RPL19: variants seen among roughly 807,000 people sequenced by gnomAD.
The protein encoded by RPL19 is ribosomal protein L19, also known as large ribosomal subunit protein eL19.
Under a neutral mutation model 25.1 loss-of-function variants are expected in RPL19, and 2 were observed. That is an observed-to-expected ratio of 0.08 (90% CI 0.03 to 0.25). The LOEUF (loss-of-function observed/expected upper bound fraction) is 0.25. Among genes scored for constraint, RPL19 ranks in the 10% least tolerant of loss-of-function variants. The pLI is 1.00. For missense variants in RPL19, 123 were observed against 271.8 expected (o/e 0.45, Z 3.85); for synonymous variants, 89 against 91.2 (o/e 0.98, Z 0.14).
intron 1 of RPL19, 42 bp from the exon 2 acceptor site, chr17:39,201,171 G>A: frequency 1.5e-6 from 2 of 1,370,420 alleles, no homozygotes; most frequent in Non-Finnish European, 1.0e-6. Context: ...TTCTTGCCCA[G>A]GATTGGCTTT....
Position 39,200,320 on chromosome 17 carries a change from T to C in RPL19, c.-25T>C. 6.5e-7 allele frequency: 1 copy of C among 1,550,378 alleles called. No homozygotes were observed. On this transcript the variant is annotated 5_prime_UTR_variant, in exon 1 of 6. Transcript: ENST00000225430. ...AGGAGCCGGGCCCGAGCGAGCTCTT[T>C]CCTTTCGCTGCTGCGGCCGCAGCCA...
rs2046280002 is a variant in RPL19, at chr17:39,200,644, C to T, written c.5+295C>T. ...GGAGCGAACAAGACCAAGCCGTGGG[C>T]CCTTTCTTGCTTGGCACACCCGGAG... On this transcript the variant is annotated intron_variant, in intron 1 of 5. Coordinates refer to ENST00000225430, the MANE Select transcript of RPL19 (RefSeq NM_000981.4). 34 of 1,171,200 alleles carry T rather than the reference C, an allele frequency of 2.9e-5. No individual in the cohort carries two copies. The South Asian group carries it at 3.6e-4, about 12-fold the overall frequency. The allele number at this position is 1,171,200 out of a possible 1,614,324, so 72.6% of individuals were successfully genotyped here.
At chr17:39,204,427 C>G in intron 5 of RPL19, 98 bp from the exon 6 acceptor site, 1 of 1,451,990 alleles carries the variant, frequency 6.9e-7, no homozygotes, top group Non-Finnish European at 9.5e-7. Flanking sequence ...ATTCCAGAAG[C>G]TGACTAGGCT....
intron 1 of RPL19, chr17:39,200,744 G>A: frequency 1.9e-6 from 2 of 1,054,202 alleles, no homozygotes; most frequent in Non-Finnish European, 2.3e-6. Context: ...GCCGAGAGAG[G>A]TGATCTCTAA....
chr17:39,200,882 G>A, intron 1 of RPL19: 1 of 563,596 alleles, frequency 1.8e-6, no homozygotes, highest in Non-Finnish European at 2.4e-6. Flanking sequence ...TGCATTCCTA[G>A]ACTAGAAATC....
At chr17:39,204,395 C>A in intron 5 of RPL19, 130 bp from the exon 6 acceptor site, 1 of 1,169,030 alleles carries the variant, frequency 8.6e-7, no homozygotes. Context: ...GAAGCAGGAG[C>A]CTTTGGTGGG....
intron 2 of RPL19, 40 bp from the exon 3 acceptor site, chr17:39,202,277 G>A (rs369938523): frequency 3.0e-5 from 49 of 1,611,574 alleles, no homozygotes; most frequent in Non-Finnish European, 4.1e-5. Flanking sequence ...TGATGTGCTT[G>A]GGCCCCAGTT....
Position 39,203,403 on chromosome 17 carries a change from G to T in RPL19, c.356+294G>T, listed in dbSNP as rs144032543. On this transcript the variant is annotated intron_variant, in intron 4 of 5. Transcript: ENST00000225430. The stretch of plus-strand genomic sequence containing the variant: ...TCACTGTGTTAGCCAGGATGGTCTC[G>T]ATCTCCTGGCCTTGTGATCCGCCCG... Among the ~76,000 whole-genome samples the T allele has an allele frequency of 1.8e-3, 271 of 151,822 alleles. 3 individuals are homozygous for T. Among genetic ancestry groups the T allele is most frequent in the African/African-American group, 5.4e-3 (223 of 41,354 alleles).
intron 1 of RPL19, 82 bp from the exon 2 acceptor site, chr17:39,201,131 A>T (rs776177822): frequency 6.7e-6 from 6 of 892,466 alleles, no homozygotes; most frequent in Non-Finnish European, 1.1e-5. Context: ...GGTGTGGGTC[A>T]CAAAGGGCAG....
At chr17:39,200,758 T>C in intron 1 of RPL19, 1 of 1,049,860 alleles carries the variant, frequency 9.5e-7, no homozygotes, top group East Asian at 7.8e-5. Flanking sequence ...TCTCTAACTC[T>C]TGACTCCATT....
chr17:39,201,410 T>C, intron 2 of RPL19, 91 bp downstream of exon 2: 2 of 830,700 alleles, frequency 2.4e-6, no homozygotes, highest in Non-Finnish European at 3.9e-6. Flanking sequence ...CTTTTTTTTT[T>C]TTTTTTAGAC....
At chr17:39,202,542 A>G in intron 3 of RPL19, 103 bp downstream of exon 3, 1 of 1,402,626 alleles carries the variant, frequency 7.1e-7, no homozygotes, top group Non-Finnish European at 9.9e-7. Flanking sequence ...CCTGTTTCTT[A>G]CTCCTTGATA....
chr17:39,203,592 T>C (rs1035989011), intron 4 of RPL19, among the ~76,000 whole-genome samples: 4 of 151,650 alleles, frequency 2.6e-5, no homozygotes, highest in African/African-American at 9.7e-5. Flanking sequence ...TTCACTGCAA[T>C]CTGCTTTCGA....
rs561894209 is a variant in RPL19 at position 39,200,311 on chromosome 17, C to A, written c.-34C>A. On this transcript the variant is annotated 5_prime_UTR_variant, in exon 1 of 6. Transcript: ENST00000225430. ...GATAATGGGAGGAGCCGGGCCCGAG[C>A]GAGCTCTTTCCTTTCGCTGCTGCGG... is the stretch of plus-strand genomic sequence containing the variant. 30 of 1,537,324 alleles carry A rather than the reference C, an allele frequency of 2.0e-5. No individual in the cohort carries two copies. The highest frequency in any genetic ancestry group is 2.5e-5 in the Non-Finnish European group (29 of 1,141,944).
At position 39,202,394 on chromosome 17, in the gene RPL19, C is replaced by A. The variant is rs2228666; in HGVS notation, c.190C>A (p.Arg64=). The A allele has an allele frequency of 1.3e-3, 2,048 of 1,614,136 alleles. 43 individuals carry two copies. In the Admixed American group the frequency reaches 0.032, roughly 26 times the overall value. Residue 64 remains arginine (R), a synonymous_variant, in exon 3 of 6, where the codon CGG becomes AGG. Coordinates refer to ENST00000225430, the MANE Select transcript of RPL19 (RefSeq NM_000981.4). ...GACGGTCCATTCCCGGGCTCGATGC[C>A]GGAAAAACACCTTGGCCCGCCGGAA... ...PVTVHSRARC[R]KNTLARRKGR...
In RPL19 at chr17:39,203,096, A is replaced by T; in HGVS notation, c.343A>T (p.Ile115Phe). The T allele has an allele frequency of 6.2e-7, 1 of 1,612,344 alleles. No homozygotes were observed. Among genetic ancestry groups the T allele is most frequent in the Non-Finnish European group, 8.5e-7 (1 of 1,179,406 alleles). The change falls in exon 4 of 6, where the codon ATC (isoleucine) becomes TTC (phenylalanine). Residue 115 changes from isoleucine (I) to phenylalanine (F), a missense_variant. Ile to Phe is a conservative substitution (Grantham distance 21). Transcript: ENST00000225430. ...CAGAAGATACCGTGAATCTAAGAAG[A>T]TCGATCGCCACATGTAAGCACACCC... Reference protein sequence around the residue: ...LLRRYRESKKIDRHMYHSLYL... With the variant: ...LLRRYRESKKFDRHMYHSLYL...
intron 3 of RPL19, chr17:39,202,784 T>C (rs1176291350): frequency 9.6e-6 from 6 of 625,858 alleles, no homozygotes; most frequent in African/African-American, 1.8e-5. Context: ...GAATTATTGC[T>C]GTATTTGTGC....
chr17:39,202,383 G>A lies in RPL19; in HGVS notation c.179G>A (p.Arg60Gln), dbSNP rs771540745. Residue 60 changes from arginine (R) to glutamine (Q), a missense_variant, in exon 3 of 6, where the codon CGG becomes CAG. Coordinates refer to ENST00000225430, the MANE Select transcript of RPL19 (RefSeq NM_000981.4). ...CGCAAGCCTGTGACGGTCCATTCCC[G>A]GGCTCGATGCCGGAAAAACACCTTG... ...IIRKPVTVHS[R>Q]ARCRKNTLAR... The A allele has an allele frequency of 2.4e-5, 38 of 1,614,068 alleles. No individual in the cohort carries two copies. Among genetic ancestry groups the A allele is most frequent in the Non-Finnish European group, 2.7e-5 (32 of 1,180,042 alleles).
At chr17:39,200,604 G>A in intron 1 of RPL19, 1 of 1,241,120 alleles carries the variant, frequency 8.1e-7, no homozygotes, top group Non-Finnish European at 1.0e-6. Context: ...GTCGACCCAC[G>A]CGAGCAGAGC....
Sources: gnomAD v4.1 joint callset for allele counts (sites outside exome capture counted in the v4.1 genomes callset) on GRCh38, gnomAD v4.1.1 for gene constraint, MANE v1.5 for transcripts, NCBI Gene and HGNC (gene_info 2026-07-23, HGNC 2026-07-21) for gene names.